The following RB1 variants were observed in gnomAD, a reference collection of about 807,000 sequenced individuals.
RB1 encodes retinoblastoma-associated protein.
RB1 carries 18 observed loss-of-function variants against 135.4 expected under a neutral mutation model. The observed-to-expected ratio is 0.13, with a 90% CI of 0.09 to 0.20. The LOEUF is 0.20. RB1 is among the 10% of genes least tolerant of loss of function. RB1 has a pLI of 1.00. For synonymous variants in RB1, 365 were observed against 373.2 expected, an observed-to-expected ratio of 0.98 and a Z score of 0.25; for missense variants, 868 against 1,110.0, an observed-to-expected ratio of 0.78 and a Z score of 3.10.
intron 2 of RB1, among the ~76,000 whole-genome samples, chr13:48,342,345 A>G (rs1396043028): frequency 6.6e-6 from 1 of 151,592 alleles, no homozygotes; most frequent in Non-Finnish European, 1.5e-5. Flanking sequence ...TAAAGTTTCC[A>G]CAATAACTTA....
At chr13:48,428,881 A>G (rs1351731017) in intron 17 of RB1, among the ~76,000 whole-genome samples, 1 of 152,264 alleles carries the variant, frequency 6.6e-6, no homozygotes, top group Non-Finnish European at 1.5e-5. Context: ...CAGAAATCCA[A>G]GTACTCTTCA....
intron 6 of RB1, among the ~76,000 whole-genome samples, chr13:48,351,227 G>T (rs1047810012): frequency 2.6e-5 from 4 of 151,992 alleles, no homozygotes; most frequent in Non-Finnish European, 4.4e-5. Flanking sequence ...CTTTTCTTTT[G>T]CAACCTCACC....
chr13:48,455,643 C>A (rs1261875468), intron 18 of RB1, among the ~76,000 whole-genome samples: 1 of 152,134 alleles, frequency 6.6e-6, no homozygotes, highest in Non-Finnish European at 1.5e-5. Context: ...TAAATAGGGG[C>A]AGCACAGAAC....
chr13:48,388,081 T>C (rs1948584032), intron 17 of RB1, among the ~76,000 whole-genome samples: 1 of 152,240 alleles, frequency 6.6e-6, no homozygotes, highest in African/African-American at 2.4e-5. Flanking sequence ...TCTATATACT[T>C]AACTAGTCAT....
At chr13:48,318,713 G>T in intron 2 of RB1, 1 of 628,678 alleles carries the variant, frequency 1.6e-6, no homozygotes, top group Non-Finnish European at 2.9e-6. Flanking sequence ...GTTTCCTTTT[G>T]CAGCTCAGCA....
intron 2 of RB1, among the ~76,000 whole-genome samples, chr13:48,322,144 GATCAT>G (rs1952247864): frequency 6.6e-6 from 1 of 152,138 alleles, no homozygotes; most frequent in Non-Finnish European, 1.5e-5. Flanking sequence ...ATATAAATGA[GATCAT>G]GCAATAATTT....
intron 17 of RB1, among the ~76,000 whole-genome samples, chr13:48,443,332 T>A (rs1222584681): frequency 1.3e-5 from 2 of 151,896 alleles, no homozygotes; most frequent in African/African-American, 4.8e-5. Context: ...TAATATTTAA[T>A]TCTAGGAAGC....
chr13:48,465,623 T>C (rs867844846), intron 23 of RB1, among the ~76,000 whole-genome samples: 5 of 151,696 alleles, frequency 3.3e-5, no homozygotes, highest in Non-Finnish European at 5.9e-5. Context: ...AGACGGGTGA[T>C]TTCTGCATTT....
intron 17 of RB1, among the ~76,000 whole-genome samples, chr13:48,396,536 T>TA (rs1431421370): frequency 6.6e-6 from 1 of 151,972 alleles, no homozygotes; most frequent in Non-Finnish European, 1.5e-5. Flanking sequence ...CCTAAAACCA[T>TA]AAAAACCCTA....
intron 17 of RB1, among the ~76,000 whole-genome samples, chr13:48,440,058 A>C: frequency 6.6e-6 from 1 of 152,272 alleles, no homozygotes; most frequent in South Asian, 2.1e-4. Context: ...GTAGGATTAC[A>C]TTAGAATCTG....
intron 17 of RB1, among the ~76,000 whole-genome samples, chr13:48,444,237 C>G (rs888864692): frequency 6.6e-6 from 1 of 152,204 alleles, no homozygotes; most frequent in African/African-American, 2.4e-5. Context: ...CTCAAGGATA[C>G]TGGGCACGGT....
At chr13:48,438,869 CT>C (rs1255156648) in intron 17 of RB1, among the ~76,000 whole-genome samples, 1 of 152,118 alleles carries the variant, frequency 6.6e-6, no homozygotes, top group African/African-American at 2.4e-5. Flanking sequence ...TCATACCAAA[CT>C]TTTTATATAG....
intron 3 of RB1, among the ~76,000 whole-genome samples, chr13:48,344,696 C>T (rs1952476670): frequency 6.6e-6 from 1 of 152,006 alleles, no homozygotes; most frequent in Non-Finnish European, 1.5e-5. Context: ...CCAGGTTTCC[C>T]ACTGTCAATG....
At chr13:48,442,346 G>A (rs555753603) in intron 17 of RB1, among the ~76,000 whole-genome samples, 6 of 152,116 alleles carry the variant, frequency 3.9e-5, no homozygotes, top group East Asian at 1.9e-4. Flanking sequence ...GACTACAGGC[G>A]CATGCAACCA....
chr13:48,442,235 C>T (rs539979503), intron 17 of RB1, among the ~76,000 whole-genome samples: 1 of 151,046 alleles, frequency 6.6e-6, no homozygotes, highest in African/African-American at 2.4e-5. Flanking sequence ...GAGTCTTGCT[C>T]TGTTGCCCAG....
intron 17 of RB1, among the ~76,000 whole-genome samples, chr13:48,430,745 CAAAA>C (rs1215499122): frequency 1.4e-4 from 13 of 90,530 alleles, no homozygotes; most frequent in Admixed American, 2.6e-4. Context: ...ATCTCAAAAA[CAAAA>C]AAACAAACAA....
chr13:48,399,236 C>T (rs1472779447), intron 17 of RB1, among the ~76,000 whole-genome samples: 2 of 151,932 alleles, frequency 1.3e-5, no homozygotes, highest in Non-Finnish European at 2.9e-5. Context: ...TTGTTTTACT[C>T]TTTCTCTGTT....
At chr13:48,332,379 G>A (rs1952345527) in intron 2 of RB1, among the ~76,000 whole-genome samples, 1 of 152,256 alleles carries the variant, frequency 6.6e-6, no homozygotes, top group South Asian at 2.1e-4. Context: ...ACCAACTTGG[G>A]CAACATGGGG....
chr13:48,330,793 C>T (rs1952327459), intron 2 of RB1, among the ~76,000 whole-genome samples: 1 of 152,142 alleles, frequency 6.6e-6, no homozygotes, highest in Admixed American at 6.5e-5. Flanking sequence ...CTTCCAAACT[C>T]ATTTAACAAG....
Sources: allele counts gnomAD v4.1 joint callset (sites outside exome capture counted in the v4.1 genomes callset), GRCh38; gene constraint gnomAD v4.1.1; transcripts MANE v1.5; gene names NCBI Gene and HGNC (gene_info 2026-07-23, HGNC 2026-07-21).